ZCWPW2: variants seen among roughly 807,000 people sequenced by gnomAD.
ZCWPW2 encodes the protein zinc finger CW-type PWWP domain protein 2.
ZCWPW2 carries 45 observed loss-of-function variants against 46.6 expected under a neutral mutation model. The ratio of observed to expected loss-of-function variants is 0.96; its 90% CI spans 0.76 to 1.24. The LOEUF is 1.24. Among genes scored for constraint, ZCWPW2 ranks in the 50% most tolerant of loss-of-function variants. The pLI, the probability that ZCWPW2 is intolerant of heterozygous loss-of-function variation, is 0.00. For missense variants in ZCWPW2, 429 were observed against 403.9 expected (o/e 1.06, Z -0.53); for synonymous variants, 152 against 137.1 (o/e 1.11, Z -0.76).
chr3:28,453,852 AT>A (rs940543343), intron 4 of ZCWPW2, among the ~76,000 whole-genome samples: 17 of 137,772 alleles, frequency 1.2e-4, no homozygotes, highest in South Asian at 4.4e-4. Flanking sequence ...TTTTATTATT[AT>A]TTTTTTTTTG....
chr3:28,414,051 T>A (rs1013046989), intron 3 of ZCWPW2, among the ~76,000 whole-genome samples: 3 of 152,048 alleles, frequency 2.0e-5, no homozygotes, highest in African/African-American at 7.2e-5. Flanking sequence ...TCAAGTCTTA[T>A]TTTTAGCTAA....
At chr3:28,443,124 C>T (rs1424331619) in intron 4 of ZCWPW2, among the ~76,000 whole-genome samples, 1 of 152,168 alleles carries the variant, frequency 6.6e-6, no homozygotes, top group Non-Finnish European at 1.5e-5. Context: ...GCTAAAACTC[C>T]ATTAATTACC....
chr3:28,352,355 C>T (rs1704585873), intron 1 of ZCWPW2, among the ~76,000 whole-genome samples: 1 of 152,178 alleles, frequency 6.6e-6, no homozygotes, highest in African/African-American at 2.4e-5. Context: ...AGTATTAATT[C>T]TCAGGTTGTC....
intron 5 of ZCWPW2, among the ~76,000 whole-genome samples, chr3:28,487,315 A>G: frequency 6.6e-6 from 1 of 150,482 alleles, no homozygotes; most frequent in East Asian, 2.0e-4. Flanking sequence ...TCTCTTTTTC[A>G]GTTTTTTAGT....
At chr3:28,478,758 A>T in intron 4 of ZCWPW2, 56 bp from the exon 5 acceptor site, 2 of 941,182 alleles carry the variant, frequency 2.1e-6, no homozygotes, top group Non-Finnish European at 1.5e-6. Context: ...AGTGGATTTT[A>T]AAACAAAGTT....
chr3:28,435,837 A>G (rs545449031), intron 4 of ZCWPW2, among the ~76,000 whole-genome samples: 4 of 152,146 alleles, frequency 2.6e-5, no homozygotes, highest in Non-Finnish European at 5.9e-5. Context: ...TGAAGACTTT[A>G]TGTGATTGCC....
intron 4 of ZCWPW2, among the ~76,000 whole-genome samples, chr3:28,443,525 C>T (rs1559506838): frequency 6.6e-6 from 1 of 152,110 alleles, no homozygotes; most frequent in Admixed American, 6.5e-5. Flanking sequence ...CAGTAGGCTT[C>T]GTATCAATTG....
chr3:28,499,959 T>G (rs926305856), intron 6 of ZCWPW2, among the ~76,000 whole-genome samples: 2 of 152,124 alleles, frequency 1.3e-5, no homozygotes, highest in African/African-American at 2.4e-5. Flanking sequence ...GGGATTTCAG[T>G]GTTTTTTTGA....
chr3:28,507,646 G>A (rs934954509), intron 6 of ZCWPW2, among the ~76,000 whole-genome samples: 4 of 151,990 alleles, frequency 2.6e-5, no homozygotes, highest in African/African-American at 9.7e-5. Flanking sequence ...ATAAAATAGC[G>A]ATTACTTTAA....
chr3:28,495,081 T>G (rs569893928), intron 6 of ZCWPW2, among the ~76,000 whole-genome samples: 3 of 151,854 alleles, frequency 2.0e-5, no homozygotes, highest in African/African-American at 7.2e-5. Flanking sequence ...AAAACTACTT[T>G]AAAGTTCATA....
chr3:28,509,482 G>A (rs575940043), intron 6 of ZCWPW2, among the ~76,000 whole-genome samples: 16 of 152,158 alleles, frequency 1.1e-4, no homozygotes, highest in African/African-American at 3.4e-4. Flanking sequence ...ACATCCCTGT[G>A]AACACTTGTC....
At chr3:28,513,693 A>G (rs1700486781) in intron 6 of ZCWPW2, among the ~76,000 whole-genome samples, 1 of 151,996 alleles carries the variant, frequency 6.6e-6, no homozygotes, top group Non-Finnish European at 1.5e-5. Flanking sequence ...CCACCTATAT[A>G]TTAATAGCTT....
chr3:28,402,888 G>T (rs1284709972), intron 2 of ZCWPW2, among the ~76,000 whole-genome samples: 5 of 152,008 alleles, frequency 3.3e-5, no homozygotes, highest in African/African-American at 1.2e-4. Flanking sequence ...AGCATACAAG[G>T]AGCAAAGTTC....
chr3:28,408,699 A>G (rs968040448), intron 2 of ZCWPW2, among the ~76,000 whole-genome samples: 30 of 152,306 alleles, frequency 2.0e-4, no homozygotes, highest in African/African-American at 6.5e-4. Context: ...TCAATTTCAT[A>G]TTAAGTATTA....
intron 1 of ZCWPW2, among the ~76,000 whole-genome samples, chr3:28,374,514 C>A (rs1040254224): frequency 6.6e-6 from 1 of 151,992 alleles, no homozygotes; most frequent in Non-Finnish European, 1.5e-5. Context: ...TATGAAAAAT[C>A]TCATTGGTAG....
intron 8 of ZCWPW2, 117 bp downstream of exon 8, chr3:28,515,738 TGTGTGTGTATACAC>T: frequency 1.5e-5 from 12 of 798,674 alleles, no homozygotes; most frequent in Admixed American, 3.0e-5. Context: ...TGTGTGTGTG[TGTGTGTGTATACAC>T]ATATATACAT....
At chr3:28,506,088 T>TATATATA (rs1026999421) in intron 6 of ZCWPW2, among the ~76,000 whole-genome samples, 2 of 147,138 alleles carry the variant, frequency 1.4e-5, no homozygotes, top group African/African-American at 4.9e-5. Flanking sequence ...ATATATATTA[T>TATATATA]ATATATAATA....
At chr3:28,459,452 G>C (rs528776891) in intron 4 of ZCWPW2, among the ~76,000 whole-genome samples, 13 of 152,218 alleles carry the variant, frequency 8.5e-5, no homozygotes, top group African/African-American at 2.9e-4. Context: ...CTGTATAGCA[G>C]ATTATTTTCC....
At chr3:28,367,355 C>T (rs1049873382) in intron 1 of ZCWPW2, among the ~76,000 whole-genome samples, 4 of 152,190 alleles carry the variant, frequency 2.6e-5, no homozygotes, top group Non-Finnish European at 2.9e-5. Flanking sequence ...TCTTTGTTCT[C>T]GTTTGTTTCA....
Sources: gnomAD v4.1 joint callset for allele counts (sites outside exome capture counted in the v4.1 genomes callset) on GRCh38, gnomAD v4.1.1 for gene constraint, MANE v1.5 for transcripts, NCBI Gene and HGNC (gene_info 2026-07-23, HGNC 2026-07-21) for gene names.